SYN1: variants seen among roughly 807,000 people sequenced by gnomAD.
SYN1 encodes synapsin-1.
SYN1 carries 8 observed loss-of-function variants against 44.6 expected under a neutral mutation model. The observed-to-expected ratio is 0.18, with a 90% CI of 0.11 to 0.32. SYN1 has a LOEUF of 0.32. SYN1 is among the 10% of genes least tolerant of loss of function. The probability of loss-of-function intolerance (pLI) is 1.00; values close to 1 mark genes in which losing one functional copy is unlikely to be tolerated. For missense variants in SYN1, 451 were observed against 639.4 expected, an observed-to-expected ratio of 0.71 and a Z score of 3.18; for synonymous variants, 275 against 280.1, an observed-to-expected ratio of 0.98 and a Z score of 0.18.
At chrX:47,581,029 C>T (rs1236672191) in intron 5 of SYN1, among the ~76,000 whole-genome samples, 1 of 111,475 alleles carries the variant, frequency 9.0e-6, no homozygotes, top group Non-Finnish European at 1.9e-5. Flanking sequence ...CCCCATCAAC[C>T]AAATAGTGTA....
At chrX:47,576,665 G>A in intron 6 of SYN1, 25 bp from the exon 7 acceptor site, 1 of 1,211,406 alleles carries the variant, frequency 8.3e-7, no homozygotes, top group Non-Finnish European at 1.1e-6. Flanking sequence ...GCAAGGATCA[G>A]GGCCTGGTCA....
chrX:47,619,016 A>G (rs1402600442), intron 1 of SYN1, among the ~76,000 whole-genome samples: 2 of 110,694 alleles, frequency 1.8e-5, no homozygotes, highest in Non-Finnish European at 3.8e-5. Flanking sequence ...GACAAGGCCT[A>G]TGGGGCAAGG....
intron 8 of SYN1, 30 bp from the exon 9 acceptor site, chrX:47,576,263 C>T: frequency 8.3e-7 from 1 of 1,202,264 alleles, no homozygotes; most frequent in Non-Finnish European, 1.1e-6. Context: ...GGAAGCCTGT[C>T]AGTCTCTCAC....
At chrX:47,586,232 G>A (rs1751719449) in intron 5 of SYN1, 3 of 751,492 alleles carry the variant, frequency 4.0e-6, no homozygotes, top group Non-Finnish European at 4.7e-6. Context: ...CCTTACTACT[G>A]CCAGTTTTTC....
At position 47,575,306 on chromosome X, in the gene SYN1, G is replaced by T. The variant is rs755260581; in HGVS notation, c.1159-32C>A. 5.8e-6 allele frequency: 7 copies of T among 1,202,028 alleles called. No individual in the cohort carries two copies. In the South Asian group the frequency reaches 1.3e-4, roughly 22 times the overall value. On this transcript the variant is annotated intron_variant, in intron 9 of 12. Transcript: ENST00000295987. Reference sequence around the variant, plus strand: ...GAAGGAAAGGATCCGTGAGGGGAGAGGCAGGCCTCGCACCTGAGGCGGCAG... The same window carrying T: ...GAAGGAAAGGATCCGTGAGGGGAGATGCAGGCCTCGCACCTGAGGCGGCAG...
At chrX:47,603,774 A>G (rs1438332629) in intron 5 of SYN1, among the ~76,000 whole-genome samples, 1 of 110,457 alleles carries the variant, frequency 9.1e-6, no homozygotes, top group African/African-American at 3.3e-5. Context: ...TGATGCTATT[A>G]GTAATGATTA....
At chrX:47,578,524 C>T (rs952500703) in intron 5 of SYN1, among the ~76,000 whole-genome samples, 3 of 111,860 alleles carry the variant, frequency 2.7e-5, no homozygotes, top group African/African-American at 9.8e-5. Flanking sequence ...AGAGAGGCTA[C>T]ACACAACCAG....
At chrX:47,600,831 A>G (rs901383516) in intron 5 of SYN1, among the ~76,000 whole-genome samples, 8 of 112,117 alleles carry the variant, frequency 7.1e-5, no homozygotes, top group Admixed American at 1.9e-4. Flanking sequence ...ATACTTTGAG[A>G]TGAATGAAAA....
chrX:47,574,324 G>A lies in SYN1; in HGVS notation c.1660C>T (p.Pro554Ser), dbSNP rs1476296565. 1.1e-5 allele frequency: 12 copies of A among 1,067,239 alleles called. No individual in the cohort carries two copies. In the South Asian group the frequency reaches 3.0e-4, roughly 27 times the overall value. The allele number at this position is 1,067,239 out of a possible 1,213,427, so 88.0% of individuals were successfully genotyped here. Residue 554 changes from proline to serine, a missense_variant, in exon 12 of 13, where the codon CCC becomes TCC. This residue lies in a region of SYN1 where 127 missense variants were observed against 154.8 expected (regional missense o/e 0.82). Coordinates refer to ENST00000295987, the MANE Select transcript of SYN1 (RefSeq NM_006950.3). The part of the protein sequence containing the change: ...PAARPPASPS[P>S]QRQAGPPQAT... ...TGTGGGGGGCCCGCCTGGCGCTGGG[G>A]AGACGGAGAGGCGGGCGGGCGGGCT...
intron 1 of SYN1, among the ~76,000 whole-genome samples, chrX:47,610,561 A>G (rs1262851556): frequency 1.8e-5 from 2 of 108,639 alleles, no homozygotes; most frequent in African/African-American, 3.4e-5. Flanking sequence ...GAGAGAAATG[A>G]TCTGTAGAAG....
chrX:47,589,329 T>C (rs183834620), intron 5 of SYN1, among the ~76,000 whole-genome samples: 2,090 of 80,294 alleles, frequency 0.026, 39 homozygotes, highest in African/African-American at 0.058. Context: ...CATGGTGGCT[T>C]ACGCCTGTAA....
intron 5 of SYN1, among the ~76,000 whole-genome samples, chrX:47,596,394 G>A (rs943518113): frequency 8.0e-5 from 9 of 112,466 alleles, no homozygotes; most frequent in Non-Finnish European, 1.5e-4. Context: ...ATATGCCTGG[G>A]AATCTAGAAA....
intron 5 of SYN1, among the ~76,000 whole-genome samples, chrX:47,597,531 C>G (rs1396686959): frequency 9.1e-6 from 1 of 109,382 alleles, no homozygotes; most frequent in East Asian, 2.8e-4. Context: ...TCCTAGAGGT[C>G]TGTGGAACAC....
At chrX:47,577,297 C>A in intron 6 of SYN1, 142 bp downstream of exon 6, 5 of 609,978 alleles carry the variant, frequency 8.2e-6, no homozygotes, top group Admixed American at 2.8e-5. Flanking sequence ...GTGGTTTTTA[C>A]CATAAGAACT....
chrX:47,601,027 A>G (rs1322570452), intron 5 of SYN1, among the ~76,000 whole-genome samples: 4 of 111,989 alleles, frequency 3.6e-5, no homozygotes, highest in African/African-American at 1.3e-4. Context: ...ACAAGGAAAA[A>G]CATAATAAGA....
chrX:47,580,298 C>T (rs2057792553), intron 5 of SYN1, among the ~76,000 whole-genome samples: 1 of 105,447 alleles, frequency 9.5e-6, no homozygotes, highest in African/African-American at 3.4e-5. Context: ...GCTGGGATTA[C>T]AGGTGTGAGC....
intron 1 of SYN1, among the ~76,000 whole-genome samples, chrX:47,619,026 G>T (rs1302737918): frequency 2.7e-5 from 3 of 110,991 alleles, no homozygotes; most frequent in African/African-American, 9.9e-5. Flanking sequence ...ATGGGGCAAG[G>T]GTTGGGGAGG....
intron 5 of SYN1, among the ~76,000 whole-genome samples, chrX:47,597,883 T>A (rs1318437816): frequency 8.9e-6 from 1 of 111,958 alleles, no homozygotes; most frequent in African/African-American, 3.2e-5. Context: ...GACAACATAT[T>A]CAAAGTACTG....
intron 5 of SYN1, chrX:47,586,001 C>G: frequency 9.8e-7 from 1 of 1,019,705 alleles, no homozygotes; most frequent in Non-Finnish European, 1.3e-6. Flanking sequence ...TCCAAGAACC[C>G]AAAGTGCTGT....
Sources: gnomAD v4.1 joint callset for allele counts (sites outside exome capture counted in the v4.1 genomes callset) on GRCh38, gnomAD v4.1.1 for gene constraint, gnomAD v4.1.1 regional missense constraint, MANE v1.5 for transcripts, NCBI Gene and HGNC (gene_info 2026-07-23, HGNC 2026-07-21) for gene names.